The following CD226 variants were observed in gnomAD, a reference collection of about 807,000 sequenced individuals.
CD226 encodes the protein CD226 antigen.
In CD226, 24 loss-of-function variants were observed where a neutral mutation model predicts 34.9. The ratio of observed to expected loss-of-function variants is 0.69; its 90% CI spans 0.50 to 0.97. The LOEUF is 0.97. Ranked by LOEUF, CD226 falls within the 50% of genes least tolerant of loss-of-function variation. The pLI is 0.00. For synonymous variants in CD226, 148 were observed against 147.4 expected (o/e 1.00, Z -0.03); for missense variants, 397 against 412.7 (o/e 0.96, Z 0.33).
At chr18:69,936,868 C>A (rs1180622230) in intron 2 of CD226, among the ~76,000 whole-genome samples, 2 of 152,016 alleles carry the variant, frequency 1.3e-5, no homozygotes, top group Non-Finnish European at 2.9e-5. Context: ...AATTGGTGAC[C>A]CTTATAACAG....
intron 2 of CD226, among the ~76,000 whole-genome samples, chr18:69,905,344 A>T (rs748845943): frequency 1.3e-5 from 2 of 151,474 alleles, no homozygotes; most frequent in Non-Finnish European, 2.9e-5. Context: ...TAAAATTTTC[A>T]ATTCCCGGCA....
chr18:69,945,873 G>T lies in CD226; in HGVS notation c.382+861C>A, dbSNP rs2055782690. ...GGAGAAGTCACGTCTTACATGGATG[G>T]CAGCAGGCAAACAGAGAGAGCTAGT... On this transcript the variant is annotated intron_variant, in intron 2 of 5. Coordinates refer to ENST00000582621, the MANE Select transcript of CD226 (RefSeq NM_001303618.2). Among the ~76,000 whole-genome samples the T allele has an allele frequency of 5.3e-5, 8 of 152,216 alleles. 1 individual carries two copies. The South Asian group carries it at 1.7e-3, about 32-fold the overall frequency.
upstream of CD226, among the ~76,000 whole-genome samples, chr18:69,958,821 ACACACAC>A (rs1203027762): frequency 1.3e-5 from 2 of 150,036 alleles, no homozygotes; most frequent in Admixed American, 6.7e-5. Flanking sequence ...ACACACACAC[ACACACAC>A]ATCCTTCTCC....
upstream of CD226, among the ~76,000 whole-genome samples, chr18:69,958,806 C>G (rs907064384): frequency 6.6e-6 from 1 of 151,718 alleles, no homozygotes; most frequent in South Asian, 2.1e-4. Context: ...CACACACACA[C>G]ACACACACAC....
At chr18:69,915,358 T>C (rs1436867289) in intron 2 of CD226, among the ~76,000 whole-genome samples, 2 of 152,224 alleles carry the variant, frequency 1.3e-5, no homozygotes, top group Non-Finnish European at 2.9e-5. Flanking sequence ...AGCTACTTTT[T>C]ATCATGCCAT....
upstream of CD226, among the ~76,000 whole-genome samples, chr18:69,959,829 G>T (rs958390553): frequency 4.6e-5 from 7 of 152,156 alleles, no homozygotes; most frequent in South Asian, 2.1e-4. Context: ...GCACAGCCAG[G>T]CATGAGAGGG....
At position 69,873,303 on chromosome 18, in the gene CD226, G is replaced by GTT; in HGVS notation, c.728-58_728-57insAA. 9 of 843,918 alleles carry GTT rather than the reference G, an allele frequency of 1.1e-5. No individual in the cohort carries two copies. In the South Asian group the frequency reaches 1.4e-4, roughly 13 times the overall value. 52.3% of individuals were successfully genotyped at this position (843,918 alleles called of 1,614,324 possible). The stretch of plus-strand genomic sequence containing the variant: ...GGAATTCAGCCAAAGGCAGTAAAAA[G>GTT]TAAGGCAGGAAAATAAAGAAAAGAT... On this transcript the variant is annotated intron_variant, in intron 3 of 5. Transcript: ENST00000582621.
intron 3 of CD226, among the ~76,000 whole-genome samples, chr18:69,883,069 T>C (rs1433441845): frequency 1.3e-5 from 2 of 152,192 alleles, no homozygotes; most frequent in Non-Finnish European, 2.9e-5. Context: ...TCTGTAGACA[T>C]GTCTTGATTG....
intron 2 of CD226, among the ~76,000 whole-genome samples, chr18:69,904,705 A>C (rs898909265): frequency 1.6e-4 from 25 of 152,360 alleles, no homozygotes; most frequent in African/African-American, 5.8e-4. Context: ...GACTAATGGG[A>C]TATAAGAATT....
upstream of CD226, among the ~76,000 whole-genome samples, chr18:69,952,110 C>G (rs2055859425): frequency 6.6e-6 from 1 of 152,074 alleles, no homozygotes; most frequent in Admixed American, 6.6e-5. Flanking sequence ...AGAATGAAAT[C>G]ATGTCTTTTG....
chr18:69,905,516 G>A (rs763963136), intron 2 of CD226, among the ~76,000 whole-genome samples: 7 of 152,158 alleles, frequency 4.6e-5, no homozygotes, highest in East Asian at 1.9e-4. Context: ...TGAGTGCACC[G>A]CGGGGCAGAG....
intron 2 of CD226, among the ~76,000 whole-genome samples, chr18:69,918,644 C>T (rs925711122): frequency 3.3e-5 from 5 of 152,046 alleles, no homozygotes; most frequent in African/African-American, 1.2e-4. Flanking sequence ...GGCTTAGGAA[C>T]TAATAAGGAA....
chr18:69,949,717 T>C (rs909556592), upstream of CD226, among the ~76,000 whole-genome samples: 8 of 151,026 alleles, frequency 5.3e-5, no homozygotes, highest in Admixed American at 1.3e-4. Flanking sequence ...CCACACATGC[T>C]CTAACACACA....
intron 1 of CD226, chr18:69,956,632 C>T (rs1168227921): frequency 6.6e-6 from 1 of 151,316 alleles, no homozygotes; most frequent in Non-Finnish European, 1.5e-5. Flanking sequence ...TTTCCGGCAA[C>T]TCTCTTGTCC....
rs1457977239 is a variant in CD226 at position 69,856,110 on chromosome 18, AAG to A, written c.*8202_*8203del. 9 of 152,160 alleles carry A rather than the reference AAG, an allele frequency of 5.9e-5. No homozygotes were observed. The highest frequency in any genetic ancestry group is 1.2e-4 in the Non-Finnish European group (8 of 68,012). 9.4% of individuals were successfully genotyped at this position (152,160 alleles called of 1,614,324 possible). ...TAGATAATTTAAAATTAAAAGGATAAAGATGTGAGATGCTAATGTTAATTTTT... is the reference window on the plus strand; with the variant it reads ...TAGATAATTTAAAATTAAAAGGATAAATGTGAGATGCTAATGTTAATTTTT... On this transcript the variant is annotated 3_prime_UTR_variant, in exon 6 of 6. Coordinates refer to ENST00000582621, the MANE Select transcript of CD226 (RefSeq NM_001303618.2).
At chr18:69,957,424 C>A (rs2055907295), upstream of CD226, among the ~76,000 whole-genome samples, 1 of 152,028 alleles carries the variant, frequency 6.6e-6, no homozygotes, top group African/African-American at 2.4e-5. Flanking sequence ...ACGAACCCTG[C>A]ATGTTTAGCA....
chr18:69,871,874 C>T (rs1452467455), intron 4 of CD226, among the ~76,000 whole-genome samples: 1 of 152,164 alleles, frequency 6.6e-6, no homozygotes, highest in Admixed American at 6.5e-5. Context: ...AGGAAGATGA[C>T]ATGCCAACCC....
Position 69,863,725 on chromosome 18 carries a change from T to C in CD226, c.*589A>G, listed in dbSNP as rs1982954416. The C allele has an allele frequency of 6.6e-6, 1 of 152,350 alleles. No individual in the cohort carries two copies. Among genetic ancestry groups the C allele is most frequent in the South Asian group, 2.1e-4 (1 of 4,836 alleles). 9.4% of individuals were successfully genotyped at this position (152,350 alleles called of 1,614,324 possible). A position where few individuals can be genotyped will look rare whatever the true frequency, so the allele number is the denominator to read the frequency against. ...CCATGCTCTGAATTGCCCAGTATTG[T>C]GCTTTGACCCTGCTTCTCAGCTCTA... On this transcript the variant is annotated 3_prime_UTR_variant, in exon 6 of 6. Coordinates refer to ENST00000582621, the MANE Select transcript of CD226 (RefSeq NM_001303618.2).
chr18:69,881,168 A>C (rs1247000158), intron 3 of CD226, among the ~76,000 whole-genome samples: 1 of 152,234 alleles, frequency 6.6e-6, no homozygotes, highest in East Asian at 1.9e-4. Context: ...TTGTCAACTA[A>C]AATAAAATTA....
Sources: gnomAD v4.1 joint callset for allele counts (sites outside exome capture counted in the v4.1 genomes callset) on GRCh38, gnomAD v4.1.1 for gene constraint, MANE v1.5 for transcripts, NCBI Gene and HGNC (gene_info 2026-07-23, HGNC 2026-07-21) for gene names.